The following ARHGAP35 variants were observed in gnomAD, a reference collection of about 807,000 sequenced individuals.
ARHGAP35 encodes the protein rho GTPase-activating protein 35.
A neutral mutation model predicts 111.1 loss-of-function variants in ARHGAP35; 15 were observed. That is an observed-to-expected ratio of 0.13 (90% confidence interval 0.09 to 0.21). The LOEUF (loss-of-function observed/expected upper bound fraction) is 0.21, where lower values mean the gene tolerates loss of function less well. Ranked by LOEUF, ARHGAP35 falls within the 10% of genes least tolerant of loss-of-function variation. The pLI is 1.00. For missense variants in ARHGAP35, 1,262 were observed against 1,873.0 expected, an observed-to-expected ratio of 0.67 and a Z score of 6.02; for synonymous variants, 643 against 710.3, an observed-to-expected ratio of 0.91 and a Z score of 1.51.
At position 47,001,401 on chromosome 19, in the gene ARHGAP35, GTAA is replaced by G; in HGVS notation, c.*715_*717del. On this transcript the variant is annotated 3_prime_UTR_variant, in exon 7 of 7. Transcript: ENST00000672722. The surrounding 1 kb of genome is among the most constrained non-coding windows in gnomAD (Gnocchi z 5.4). ...GAGAAAAAATGGAAAAACCCTTCCA[GTAA>G]TTAAAAAGGAAGAAACCACAGAAAG... The G allele has an allele frequency of 3.9e-6, 5 of 1,287,150 alleles. No individual in the cohort carries two copies. The highest frequency in any genetic ancestry group is 4.1e-6 in the Non-Finnish European group (4 of 986,544). The allele number at this position is 1,287,150 out of a possible 1,614,324, so 79.7% of individuals were successfully genotyped here.
chr19:46,904,080 T>G (rs1259731967), intron 1 of ARHGAP35, among the ~76,000 whole-genome samples: 1 of 152,164 alleles, frequency 6.6e-6, no homozygotes, highest in African/African-American at 2.4e-5. Flanking sequence ...ACTTTGACTC[T>G]AGGGTCTTGA....
At chr19:46,900,446 C>T (rs1391734843) in intron 1 of ARHGAP35, among the ~76,000 whole-genome samples, 1 of 152,162 alleles carries the variant, frequency 6.6e-6, no homozygotes, top group East Asian at 1.9e-4. Flanking sequence ...GTCTCGAACT[C>T]GTGGCCTCAA....
At chr19:46,907,968 C>T (rs1348873295) in intron 1 of ARHGAP35, among the ~76,000 whole-genome samples, 1 of 152,170 alleles carries the variant, frequency 6.6e-6, no homozygotes, top group African/African-American at 2.4e-5. Context: ...CTGAAATCCT[C>T]ATGTCATCCT....
chr19:47,000,439 C>T lies in ARHGAP35; in HGVS notation c.4251C>T (p.Ala1417=). 1 of 1,613,928 alleles carries T rather than the reference C, an allele frequency of 6.2e-7. No homozygotes were observed. Among genetic ancestry groups the T allele is most frequent in the East Asian group, 2.2e-5 (1 of 44,870 alleles). The stretch of plus-strand genomic sequence containing the variant: ...TCAGCACTATGGACGCCCTCACAGC[C>T]ACGCGCACCTACCAGACAATCATTG... The part of the protein sequence containing the change: ...PDFSTMDALT[A]TRTYQTIIEL... Residue 1417 remains alanine (A), a synonymous_variant, in exon 7 of 7, where the codon GCC becomes GCT. Transcript: ENST00000672722. The surrounding 1 kb of genome is among the most constrained non-coding windows in gnomAD (Gnocchi z 6.9).
intron 3 of ARHGAP35, among the ~76,000 whole-genome samples, chr19:46,968,027 C>T (rs1379543544): frequency 6.6e-6 from 1 of 152,190 alleles, no homozygotes; most frequent in Non-Finnish European, 1.5e-5. Context: ...TCCTAAGTTC[C>T]TTGAGGGAAG....
At chr19:46,949,397 A>C (rs1212705339) in intron 3 of ARHGAP35, among the ~76,000 whole-genome samples, 1 of 152,220 alleles carries the variant, frequency 6.6e-6, no homozygotes. Context: ...ACCTTACCAA[A>C]GTAGTTACAC....
At position 46,926,189 on chromosome 19, in the gene ARHGAP35, A is replaced by C. The variant is rs2056236822; in HGVS notation, c.3681+3833A>C. ...TTTGCTAGATTAGGTCTTTACTATA[A>C]AACTGGAGTCGGAGTGAGGGAATCG... On this transcript the variant is annotated intron_variant, in intron 2 of 6. Transcript: ENST00000672722. The surrounding 1 kb of genome is among the most constrained non-coding windows in gnomAD (Gnocchi z 4.1). 1.3e-5 allele frequency among the ~76,000 whole-genome samples: 2 copies of C among 152,160 alleles called. No homozygotes were observed. The highest frequency in any genetic ancestry group is 4.8e-5 in the African/African-American group (2 of 41,420).
rs570831538 is a variant in ARHGAP35 at position 47,000,168 on chromosome 19, G to A, written c.4143-163G>A. Among the ~76,000 whole-genome samples, 91 of 152,238 alleles carry A rather than the reference G, an allele frequency of 6.0e-4. No homozygotes were observed. The highest frequency in any genetic ancestry group is 1.9e-3 in the African/African-American group (79 of 41,530). ...CTGGAGGGGAGAGGACACTGAGGGC[G>A]CAGCCTCCCAGGCAGGGCAGGGTAC... On this transcript the variant is annotated intron_variant, in intron 6 of 6. Coordinates refer to ENST00000672722, the MANE Select transcript of ARHGAP35 (RefSeq NM_004491.5). The surrounding 1 kb of genome is among the most constrained non-coding windows in gnomAD (Gnocchi z 6.9).
chr19:46,863,727 G>C (rs1330300526), intron 1 of ARHGAP35, among the ~76,000 whole-genome samples: 1 of 151,942 alleles, frequency 6.6e-6, no homozygotes, highest in Non-Finnish European at 1.5e-5. Flanking sequence ...GGAAATGCCA[G>C]TTCTCAAATT....
chr19:46,889,984 T>C (rs1160965497), intron 1 of ARHGAP35, among the ~76,000 whole-genome samples: 1 of 152,168 alleles, frequency 6.6e-6, no homozygotes, highest in Non-Finnish European at 1.5e-5. Context: ...GTGTCTATGA[T>C]GCTTTCAGAA....
intron 1 of ARHGAP35, among the ~76,000 whole-genome samples, chr19:46,913,489 T>TG (rs1476078150): frequency 1.5e-4 from 23 of 152,182 alleles, no homozygotes; most frequent in Middle Eastern, 6.8e-3. Context: ...ACCTTCCAGT[T>TG]GCGGCACTCT....
At chr19:46,996,089 G>A (rs2056705993) in intron 5 of ARHGAP35, among the ~76,000 whole-genome samples, 1 of 152,104 alleles carries the variant, frequency 6.6e-6, no homozygotes, top group South Asian at 2.1e-4. Flanking sequence ...GGGATTCTAG[G>A]GGGCAGCCCC....
At chr19:46,972,821 A>G (rs1307220122) in intron 3 of ARHGAP35, among the ~76,000 whole-genome samples, 1 of 152,154 alleles carries the variant, frequency 6.6e-6, no homozygotes, top group Non-Finnish European at 1.5e-5. Flanking sequence ...AGAAGGATGA[A>G]GACAGAATCT....
At chr19:46,916,583 A>G (rs111987516) in intron 1 of ARHGAP35, among the ~76,000 whole-genome samples, 7 of 152,104 alleles carry the variant, frequency 4.6e-5, no homozygotes, top group African/African-American at 1.7e-4. Flanking sequence ...AGAACTAAAC[A>G]GGGGACAGGC....
At position 47,000,628 on chromosome 19, in the gene ARHGAP35, C is replaced by A. The variant is rs756125009; in HGVS notation, c.4440C>A (p.Thr1480=). Reference sequence around the variant, plus strand: ...CGCCCCCACAGTCGCCTCCACCCACCCCCCAGTCCCCAATGCAGCCACTGC... The same window carrying A: ...CGCCCCCACAGTCGCCTCCACCCACACCCCAGTCCCCAATGCAGCCACTGC... ...QPSPPQSPPP[T]PQSPMQPLLP... Residue 1480 remains threonine (T), a synonymous_variant, in exon 7 of 7, where the codon ACC becomes ACA. Coordinates refer to ENST00000672722, the MANE Select transcript of ARHGAP35 (RefSeq NM_004491.5). The surrounding 1 kb of genome is among the most constrained non-coding windows in gnomAD (Gnocchi z 6.9). The A allele has an allele frequency of 3.7e-6, 6 of 1,609,614 alleles. No individual in the cohort carries two copies. Among genetic ancestry groups the A allele is most frequent in the Non-Finnish European group, 5.1e-6 (6 of 1,177,786 alleles).
rs2056377282 is a variant in ARHGAP35, at chr19:46,945,987, A to G, written c.3826+8579A>G. Among the ~76,000 whole-genome samples, 1 of 152,196 alleles carries G rather than the reference A, an allele frequency of 6.6e-6. No homozygotes were observed. Among genetic ancestry groups the G allele is most frequent in the African/African-American group, 2.4e-5 (1 of 41,434 alleles). ...GAAGAGGAATTGTGCCTAGGGAGAA[A>G]CAGTTTTACTGGGGCAGAAGGCACC... On this transcript the variant is annotated intron_variant, in intron 3 of 6. Coordinates refer to ENST00000672722, the MANE Select transcript of ARHGAP35 (RefSeq NM_004491.5). This position sits in a 1 kb window ranked among gnomAD's most constrained non-coding sequence, Gnocchi z 4.1.
At chr19:46,931,349 C>T (rs1328770633) in intron 2 of ARHGAP35, among the ~76,000 whole-genome samples, 1 of 152,158 alleles carries the variant, frequency 6.6e-6, no homozygotes, top group East Asian at 1.9e-4. Context: ...CTTACCTATC[C>T]CCTGGCTTCC....
chr19:46,887,411 A>C (rs1379081321), intron 1 of ARHGAP35, among the ~76,000 whole-genome samples: 2 of 152,244 alleles, frequency 1.3e-5, no homozygotes, highest in Non-Finnish European at 2.9e-5. Context: ...TAGTTTTGAC[A>C]AATACACCAT....
Position 46,919,876 on chromosome 19 carries a change from C to G in ARHGAP35, c.1201C>G (p.Arg401Gly), listed in dbSNP as rs544976512. Residue 401 changes from arginine to glycine, a missense_variant, in exon 2 of 7, where the codon CGG (arginine) becomes GGG (glycine). Coordinates refer to ENST00000672722, the MANE Select transcript of ARHGAP35 (RefSeq NM_004491.5). The surrounding 1 kb of genome is among the most constrained non-coding windows in gnomAD (Gnocchi z 6.2). Reference sequence around the variant, plus strand: ...TCACATTGACAACATGGAAAACGAACGGATTCCCTTTGATTTAATGGATAC... The same window carrying G: ...TCACATTGACAACATGGAAAACGAAGGGATTCCCTTTGATTTAATGGATAC... ...TSHIDNMENE[R>G]IPFDLMDTVP... 2 of 1,613,882 alleles carry G rather than the reference C, an allele frequency of 1.2e-6. No homozygotes were observed. Among genetic ancestry groups the G allele is most frequent in the Non-Finnish European group, 1.7e-6 (2 of 1,179,892 alleles).
Sources: allele counts gnomAD v4.1 joint callset (sites outside exome capture counted in the v4.1 genomes callset), GRCh38; gene constraint gnomAD v4.1.1; non-coding constraint Gnocchi (gnomAD v3.1); transcripts MANE v1.5; gene names NCBI Gene and HGNC (gene_info 2026-07-23, HGNC 2026-07-21).